The following BTBD9 variants were observed in gnomAD, a reference collection of about 807,000 sequenced individuals.
The protein encoded by BTBD9 is BTB domain containing 9, also known as BTB/POZ domain-containing protein 9.
BTBD9 carries 49 observed loss-of-function variants against 64.3 expected under a neutral mutation model. The observed-to-expected ratio is 0.76, with a 90% CI of 0.61 to 0.97. The LOEUF is 0.97. BTBD9 is among the 50% of genes least tolerant of loss of function. BTBD9 has a pLI of 0.00. For missense variants in BTBD9, 598 were observed against 762.1 expected, an observed-to-expected ratio of 0.78 and a Z score of 2.53; for synonymous variants, 260 against 274.7, an observed-to-expected ratio of 0.95 and a Z score of 0.53.
At chr6:38,435,613 TCCCTCC>T (rs1562182416) in intron 6 of BTBD9, among the ~76,000 whole-genome samples, 2 of 402 alleles carry the variant, frequency 5.0e-3, no homozygotes, top group Non-Finnish European at 0.014. Context: ...CTTCCTTCCT[TCCCTCC>T]CCCTCCCTCC....
At chr6:38,505,889 C>A (rs551576990) in intron 6 of BTBD9, among the ~76,000 whole-genome samples, 1 of 135,372 alleles carries the variant, frequency 7.4e-6, no homozygotes, top group African/African-American at 2.7e-5. Flanking sequence ...CACTGGAACC[C>A]GGGAGGCAGA....
At chr6:38,261,773 G>A (rs1200281352) in intron 8 of BTBD9, among the ~76,000 whole-genome samples, 5 of 152,300 alleles carry the variant, frequency 3.3e-5, no homozygotes, top group South Asian at 2.1e-4. Flanking sequence ...CCTCTCTCTA[G>A]TCCTCTATTA....
chr6:38,411,584 A>G (rs1202133454), intron 6 of BTBD9, among the ~76,000 whole-genome samples: 8 of 152,204 alleles, frequency 5.3e-5, no homozygotes, highest in Admixed American at 5.2e-4. Flanking sequence ...CATACTGTAC[A>G]TGAGGATAAA....
intron 8 of BTBD9, among the ~76,000 whole-genome samples, chr6:38,287,256 G>A (rs1318359623): frequency 6.6e-6 from 1 of 150,946 alleles, no homozygotes; most frequent in Non-Finnish European, 1.5e-5. Context: ...TTCTTGTCCT[G>A]CAAGCTCCAT....
At chr6:38,391,729 G>C (rs1355410688) in intron 6 of BTBD9, among the ~76,000 whole-genome samples, 1 of 151,270 alleles carries the variant, frequency 6.6e-6, no homozygotes, top group Non-Finnish European at 1.5e-5. Flanking sequence ...ATCCTAATAG[G>C]TCAGCATTGA....
rs1173766937 is a variant in BTBD9 at position 38,313,186 on chromosome 6, T to C, written c.1265-24725A>G. ...TAAATAAGATTACTTTCTTGATTTC[T>C]TTTTCAGATTGTTTGCCATAAGCAT... On this transcript the variant is annotated intron_variant, in intron 7 of 10. Coordinates refer to ENST00000481247, the MANE Select transcript of BTBD9 (RefSeq NM_001099272.2). Among the ~76,000 whole-genome samples, 5 of 152,224 alleles carry C rather than the reference T, an allele frequency of 3.3e-5. No individual in the cohort carries two copies. In the East Asian group the frequency reaches 9.6e-4, roughly 29 times the overall value.
At chr6:38,291,698 A>G (rs981531865) in intron 7 of BTBD9, among the ~76,000 whole-genome samples, 1 of 152,136 alleles carries the variant, frequency 6.6e-6, no homozygotes, top group Admixed American at 6.6e-5. Context: ...AGTTTTTAGC[A>G]TGAAGGGGTG....
intron 9 of BTBD9, among the ~76,000 whole-genome samples, chr6:38,208,000 A>T (rs572743069): frequency 1.3e-5 from 2 of 152,212 alleles, no homozygotes; most frequent in African/African-American, 4.8e-5. Flanking sequence ...AATTACAATT[A>T]AAAAAAGCAG....
chr6:38,438,236 G>A (rs10947736), intron 6 of BTBD9, among the ~76,000 whole-genome samples: 11,454 of 41,700 alleles, frequency 0.27, 1,169 homozygotes, highest in Middle Eastern at 0.44. Flanking sequence ...GGGAGGGAGG[G>A]AGGGAGGGAG....
rs115697665 is a variant in BTBD9, at chr6:38,382,811, T to C, written c.1155-37718A>G. On this transcript the variant is annotated intron_variant, in intron 6 of 10. Transcript: ENST00000481247. ...AATAAATTCGAAACCTTAGTTGAAA[T>C]GGACAAATTTCTAGGAAAATCTGAA... 6.7e-3 allele frequency among the ~76,000 whole-genome samples: 1,014 copies of C among 152,216 alleles called. 12 individuals carry two copies. Among genetic ancestry groups the C allele is most frequent in the African/African-American group, 0.024 (981 of 41,546 alleles).
chr6:38,593,323 T>C (rs1323568308), intron 3 of BTBD9, among the ~76,000 whole-genome samples: 1 of 152,166 alleles, frequency 6.6e-6, no homozygotes, highest in Non-Finnish European at 1.5e-5. Flanking sequence ...TCTTTAAAAA[T>C]TAAGTAGAAA....
At chr6:38,232,255 G>A (rs1459550313) in intron 9 of BTBD9, among the ~76,000 whole-genome samples, 1 of 151,686 alleles carries the variant, frequency 6.6e-6, no homozygotes, top group East Asian at 1.9e-4. Flanking sequence ...GTCTGGAAAT[G>A]TCCCATAGTC....
chr6:38,338,445 C>T (rs1562045116), intron 7 of BTBD9, among the ~76,000 whole-genome samples: 1 of 152,088 alleles, frequency 6.6e-6, no homozygotes, highest in Non-Finnish European at 1.5e-5. Flanking sequence ...CTGTACAGAA[C>T]AAAAAGTTAC....
intron 6 of BTBD9, among the ~76,000 whole-genome samples, chr6:38,352,055 T>C (rs988479761): frequency 2.6e-5 from 4 of 152,178 alleles, no homozygotes; most frequent in African/African-American, 4.8e-5. Context: ...GTATACTGGG[T>C]AAATCTGCTA....
intron 6 of BTBD9, among the ~76,000 whole-genome samples, chr6:38,563,534 C>T (rs946053490): frequency 2.6e-5 from 4 of 151,992 alleles, no homozygotes; most frequent in Non-Finnish European, 4.4e-5. Context: ...CATGTCACAT[C>T]CCTCAATACC....
At chr6:38,331,015 A>G (rs952165398) in intron 7 of BTBD9, among the ~76,000 whole-genome samples, 1 of 152,210 alleles carries the variant, frequency 6.6e-6, no homozygotes, top group African/African-American at 2.4e-5. Context: ...GCAAATCACA[A>G]AATCAGATGA....
chr6:38,366,271 C>T (rs1053732885), intron 6 of BTBD9, among the ~76,000 whole-genome samples: 4 of 152,190 alleles, frequency 2.6e-5, no homozygotes, highest in Non-Finnish European at 5.9e-5. Context: ...GTACCCCCTT[C>T]CTTGCTTCCA....
chr6:38,392,497 C>A (rs1766464464), intron 6 of BTBD9, among the ~76,000 whole-genome samples: 1 of 152,032 alleles, frequency 6.6e-6, no homozygotes, highest in Non-Finnish European at 1.5e-5. Flanking sequence ...GGGTGCTACC[C>A]AATCTTGACT....
At chr6:38,253,069 A>G (rs1381048655) in intron 9 of BTBD9, among the ~76,000 whole-genome samples, 2 of 152,144 alleles carry the variant, frequency 1.3e-5, no homozygotes, top group Non-Finnish European at 1.5e-5. Flanking sequence ...AGCCGAGCTC[A>G]TGCCACTGCA....
Sources: gnomAD v4.1 joint callset for allele counts (sites outside exome capture counted in the v4.1 genomes callset) on GRCh38, gnomAD v4.1.1 for gene constraint, MANE v1.5 for transcripts, NCBI Gene and HGNC (gene_info 2026-07-23, HGNC 2026-07-21) for gene names.